CAMKK1: variants seen among roughly 807,000 people sequenced by gnomAD.
CAMKK1 encodes calcium/calmodulin dependent protein kinase kinase 1.
Under a neutral mutation model 63.5 loss-of-function variants are expected in CAMKK1, and 20 were observed. That is an observed-to-expected ratio of 0.32 (90% confidence interval 0.22 to 0.46). The LOEUF (loss-of-function observed/expected upper bound fraction) is 0.46. Among genes scored for constraint, CAMKK1 ranks in the 20% least tolerant of loss-of-function variants. CAMKK1 has a pLI of 1.00. For missense variants in CAMKK1, 588 were observed against 658.1 expected, an observed-to-expected ratio of 0.89 and a Z score of 1.17; for synonymous variants, 253 against 269.0, an observed-to-expected ratio of 0.94 and a Z score of 0.58.
In CAMKK1 at chr17:3,889,467, G is replaced by A. The variant is rs2055805056; in HGVS notation, c.-44+3472C>T. On this transcript the variant is annotated intron_variant, in intron 1 of 15. Coordinates refer to ENST00000348335, the MANE Select transcript of CAMKK1 (RefSeq NM_032294.3). The surrounding 1 kb of genome is among the most constrained non-coding windows in gnomAD (Gnocchi z 5.2). ...TCCTGTCCCCCCAGACTGGGGATCT[G>A]CTGCCTCGGACAAGTCATCGAGCCT... Among the ~76,000 whole-genome samples the A allele has an allele frequency of 6.6e-6, 1 of 152,052 alleles. No homozygotes were observed. Among genetic ancestry groups the A allele is most frequent in the East Asian group, 1.9e-4 (1 of 5,178 alleles).
At chr17:3,876,551 G>C in intron 9 of CAMKK1, 129 bp from the exon 10 acceptor site, 1 of 740,574 alleles carries the variant, frequency 1.4e-6, no homozygotes, top group South Asian at 1.7e-5. Flanking sequence ...GTCTGGTGAC[G>C]ACCTGGGAGG....
chr17:3,876,444 G>A (rs1180798548), intron 9 of CAMKK1, 22 bp from the exon 10 acceptor site: 1 of 1,608,022 alleles, frequency 6.2e-7, no homozygotes, highest in South Asian at 1.1e-5. Context: ...GGGAGCTTGA[G>A]CTGAGCGCTG....
intron 13 of CAMKK1, 48 bp from the exon 14 acceptor site, chr17:3,869,663 C>T: frequency 6.2e-7 from 1 of 1,613,428 alleles, no homozygotes; most frequent in Non-Finnish European, 8.5e-7. Flanking sequence ...CAGGCCATTA[C>T]CAGAATCACC....
chr17:3,870,645 G>A (rs529034139), intron 12 of CAMKK1, among the ~76,000 whole-genome samples: 8 of 152,164 alleles, frequency 5.3e-5, no homozygotes, highest in South Asian at 4.1e-4. Context: ...GATTACAGGC[G>A]TGAGCCACCA....
intron 15 of CAMKK1, 80 bp downstream of exon 15, chr17:3,865,828 T>A: frequency 6.3e-7 from 1 of 1,584,598 alleles, no homozygotes; most frequent in Non-Finnish European, 8.6e-7. Flanking sequence ...CCAACGACAG[T>A]GAGAGTGGGA....
In CAMKK1 at chr17:3,884,329, C is replaced by A; in HGVS notation, c.408+51G>T. The A allele has an allele frequency of 6.3e-7, 1 of 1,590,482 alleles. No homozygotes were observed. Among genetic ancestry groups the A allele is most frequent in the Non-Finnish European group, 8.6e-7 (1 of 1,158,994 alleles). ...CTCCCACACGAGAGAAGGAGCAGCG[C>A]CAAACAGAGAATCCCGAAGCCCCCA... is the stretch of plus-strand genomic sequence containing the variant. On this transcript the variant is annotated intron_variant, in intron 3 of 15. Transcript: ENST00000348335. This position sits in a 1 kb window ranked among gnomAD's most constrained non-coding sequence, Gnocchi z 4.5.
Position 3,883,312 on chromosome 17 carries a change from T to A in CAMKK1, c.514+117A>T, listed in dbSNP as rs2055497606. ...ACAGGGCACATTCTGTCCCCAGGCCTCTGCTCACGCTGTCTCCCTCTCTAC... is the reference window on the plus strand; with the variant it reads ...ACAGGGCACATTCTGTCCCCAGGCCACTGCTCACGCTGTCTCCCTCTCTAC... On this transcript the variant is annotated intron_variant, in intron 5 of 15. Transcript: ENST00000348335. The surrounding 1 kb of genome is among the most constrained non-coding windows in gnomAD (Gnocchi z 4.7). 10 of 1,471,260 alleles carry A rather than the reference T, an allele frequency of 6.8e-6. No individual in the cohort carries two copies. In the South Asian group the frequency reaches 9.2e-5, roughly 14 times the overall value. 91.1% of individuals were successfully genotyped at this position (1,471,260 alleles called of 1,614,324 possible). A position where few individuals can be genotyped will look rare whatever the true frequency, so the allele number is the denominator to read the frequency against.
rs550768278 is a variant in CAMKK1 at position 3,891,389 on chromosome 17, G to A, written c.-44+1550C>T. Reference sequence around the variant, plus strand: ...GAGTAAGAAGGATCAAGAGAAAGGGGCTGGGAGATGCTGCTGATACAGTGT... The same window carrying A: ...GAGTAAGAAGGATCAAGAGAAAGGGACTGGGAGATGCTGCTGATACAGTGT... On this transcript the variant is annotated intron_variant, in intron 1 of 15. Transcript: ENST00000348335. Among the ~76,000 whole-genome samples the A allele has an allele frequency of 1.2e-4, 18 of 152,340 alleles. No homozygotes were observed. In the East Asian group the frequency reaches 3.5e-3, roughly 29 times the overall value.
chr17:3,876,158 G>A, intron 10 of CAMKK1, 65 bp downstream of exon 10: 1 of 1,473,674 alleles, frequency 6.8e-7, no homozygotes, highest in East Asian at 2.4e-5. Context: ...TAGAAACTGG[G>A]CCACTGCGGC....
rs986155801 is a variant in CAMKK1 at position 3,871,516 on chromosome 17, G to A, written c.1124+1038C>T. Among the ~76,000 whole-genome samples, 37 of 150,608 alleles carry A rather than the reference G, an allele frequency of 2.5e-4. 1 individual carries two copies. The highest frequency in any genetic ancestry group is 6.4e-4 in the African/African-American group (26 of 40,666). On this transcript the variant is annotated intron_variant, in intron 12 of 15. Coordinates refer to ENST00000348335, the MANE Select transcript of CAMKK1 (RefSeq NM_032294.3). ...ACTACAGGCACCCGCCACCACGCCC[G>A]GCTAATTTTTTTTCTATTTTTAGTA...
At chr17:3,886,722 T>A (rs1260495512) in intron 1 of CAMKK1, among the ~76,000 whole-genome samples, 1 of 152,112 alleles carries the variant, frequency 6.6e-6, no homozygotes. Context: ...ACTCACTGTG[T>A]GGCGGCTGAA....
At position 3,869,903 on chromosome 17, in the gene CAMKK1, G is replaced by A; in HGVS notation, c.1125-15C>T. ...TGATTTCTGGCCTGGAGAGGGCGAA[G>A]GAAGGAGAGGAGGGTGGGACCGCTG... is the stretch of plus-strand genomic sequence containing the variant. On this transcript the variant is annotated splice_polypyrimidine_tract_variant and intron_variant, in intron 12 of 15. Coordinates refer to ENST00000348335, the MANE Select transcript of CAMKK1 (RefSeq NM_032294.3). 1 of 1,609,856 alleles carries A rather than the reference G, an allele frequency of 6.2e-7. No individual in the cohort carries two copies. Among genetic ancestry groups the A allele is most frequent in the Non-Finnish European group, 8.5e-7 (1 of 1,176,060 alleles).
chr17:3,891,534 C>G (rs575003467), intron 1 of CAMKK1, among the ~76,000 whole-genome samples: 8 of 152,228 alleles, frequency 5.3e-5, no homozygotes, highest in Admixed American at 2.0e-4. Context: ...CAGGTGCAAA[C>G]GCCATGAGGG....
Position 3,893,019 on chromosome 17 carries a change from G to A in CAMKK1, c.-124C>T, listed in dbSNP as rs1322836874. ...TGCGCGCCCCGCCCCGCCCCGCCCC[G>A]CCCCACCGCCTCGCTGGGGCCCAGA... is the stretch of plus-strand genomic sequence containing the variant. On this transcript the variant is annotated 5_prime_UTR_variant, in exon 1 of 16. Coordinates refer to ENST00000348335, the MANE Select transcript of CAMKK1 (RefSeq NM_032294.3). The surrounding 1 kb of genome is among the most constrained non-coding windows in gnomAD (Gnocchi z 4.6). The A allele has an allele frequency of 1.0e-4, 10 of 100,468 alleles. No individual in the cohort carries two copies. Among genetic ancestry groups the A allele is most frequent in the Non-Finnish European group, 1.6e-4 (7 of 44,422 alleles). 6.2% of individuals were successfully genotyped at this position (100,468 alleles called of 1,614,324 possible).
At chr17:3,865,596 G>A (rs1597438069) in intron 15 of CAMKK1, 4 of 1,187,970 alleles carry the variant, frequency 3.4e-6, no homozygotes, top group East Asian at 8.7e-5. Context: ...GACCCAGTGA[G>A]AGAGTGACAT....
intron 10 of CAMKK1, among the ~76,000 whole-genome samples, chr17:3,873,886 CA>C (rs1446056206): frequency 6.6e-6 from 1 of 152,154 alleles, no homozygotes; most frequent in Admixed American, 6.5e-5. Context: ...CCTGATATTG[CA>C]AACAGCCCCT....
intron 14 of CAMKK1, among the ~76,000 whole-genome samples, chr17:3,866,880 C>T (rs535251008): frequency 4.3e-4 from 66 of 152,310 alleles, no homozygotes; most frequent in African/African-American, 1.2e-3. Context: ...CCACCACACC[C>T]GGCTAATTTT....
intron 9 of CAMKK1, 133 bp from the exon 10 acceptor site, chr17:3,876,555 T>TCCTCCCAGGTC: frequency 1.4e-6 from 1 of 725,162 alleles, no homozygotes; most frequent in Non-Finnish European, 2.3e-6. Context: ...GGTGACGACC[T>TCCTCCCAGGTC]GGGAGGAGGA....
chr17:3,862,053 G>A lies in CAMKK1; in HGVS notation c.*158C>T, dbSNP rs1418498022. 5 of 624,768 alleles carry A rather than the reference G, an allele frequency of 8.0e-6. No individual in the cohort carries two copies. The highest frequency in any genetic ancestry group is 1.4e-5 in the Non-Finnish European group (5 of 351,218). The allele number at this position is 624,768 out of a possible 1,614,324, so 38.7% of individuals were successfully genotyped here. On this transcript the variant is annotated 3_prime_UTR_variant, in exon 16 of 16. Coordinates refer to ENST00000348335, the MANE Select transcript of CAMKK1 (RefSeq NM_032294.3). This position sits in a 1 kb window ranked among gnomAD's most constrained non-coding sequence, Gnocchi z 4.1. Reference sequence around the variant, plus strand: ...CATACATTCCAGTCTGTCCCTGGACGTGCGTGCGTGGAGGTCATGCAGCAC... The same window carrying A: ...CATACATTCCAGTCTGTCCCTGGACATGCGTGCGTGGAGGTCATGCAGCAC...
Sources: gnomAD v4.1 joint callset for allele counts (sites outside exome capture counted in the v4.1 genomes callset) on GRCh38, gnomAD v4.1.1 for gene constraint, Gnocchi (gnomAD v3.1) non-coding constraint, MANE v1.5 for transcripts, NCBI Gene and HGNC (gene_info 2026-07-23, HGNC 2026-07-21) for gene names.